CPNE4: variants seen among roughly 807,000 people sequenced by gnomAD.
CPNE4 encodes the protein copine-4.
CPNE4 carries 25 observed loss-of-function variants against 67.9 expected under a neutral mutation model. The observed-to-expected ratio is 0.37, with a 90% confidence interval of 0.27 to 0.51. The LOEUF (loss-of-function observed/expected upper bound fraction) is 0.51. Among genes scored for constraint, CPNE4 ranks in the 20% least tolerant of loss-of-function variants. The pLI is 0.93. For synonymous variants in CPNE4, 242 were observed against 244.9 expected, an observed-to-expected ratio of 0.99 and a Z score of 0.11; for missense variants, 464 against 690.8, an observed-to-expected ratio of 0.67 and a Z score of 3.68.
chr3:131,962,277 A>G (rs2107923657), intron 1 of CPNE4, among the ~76,000 whole-genome samples: 1 of 152,364 alleles, frequency 6.6e-6, no homozygotes, highest in South Asian at 2.1e-4. Flanking sequence ...TCAAGGGTAG[A>G]TGAAGAGATG....
Position 131,798,701 on chromosome 3 carries a change from T to C in CPNE4, c.181-75076A>G, listed in dbSNP as rs150520136. 2.0e-5 allele frequency among the ~76,000 whole-genome samples: 3 copies of C among 152,306 alleles called. No homozygotes were observed. The East Asian group carries it at 5.8e-4, about 29-fold the overall frequency. The stretch of plus-strand genomic sequence containing the variant: ...TTCAACCTTCCAACTTTTTCTCAAC[T>C]AGGCAAGTGTTTAGAAGCAAGCAAG... On this transcript the variant is annotated intron_variant, in intron 2 of 15. Coordinates refer to ENST00000429747, the MANE Select transcript of CPNE4 (RefSeq NM_130808.3).
intron 1 of CPNE4, chr3:132,017,751 C>T (rs1245959875): frequency 6.6e-6 from 1 of 152,212 alleles, no homozygotes; most frequent in East Asian, 1.9e-4. Flanking sequence ...CACTGGCTCT[C>T]CAACAGGAGT....
chr3:132,022,269 A>G (rs1371711939), intron 1 of CPNE4, among the ~76,000 whole-genome samples: 2 of 152,234 alleles, frequency 1.3e-5, no homozygotes, highest in Non-Finnish European at 2.9e-5. Context: ...TCTTAAAAGC[A>G]GCCCTAGCAA....
chr3:131,565,925 T>C (rs1172287832), intron 10 of CPNE4, among the ~76,000 whole-genome samples: 3 of 151,948 alleles, frequency 2.0e-5, no homozygotes, highest in Non-Finnish European at 2.9e-5. Flanking sequence ...ATAATCTCTG[T>C]GTCAGGCACT....
chr3:131,841,635 C>T (rs1490844711), intron 2 of CPNE4, among the ~76,000 whole-genome samples: 1 of 152,204 alleles, frequency 6.6e-6, no homozygotes, highest in African/African-American at 2.4e-5. Context: ...TCCTTCCCCA[C>T]CCCATGTCCA....
At chr3:131,793,577 A>G (rs1447577470) in intron 2 of CPNE4, among the ~76,000 whole-genome samples, 1 of 152,198 alleles carries the variant, frequency 6.6e-6, no homozygotes, top group Non-Finnish European at 1.5e-5. Flanking sequence ...TCTGATACAT[A>G]GTCACTATCT....
chr3:132,037,905 G>A, upstream of CPNE4: 1 of 297,068 alleles, frequency 3.4e-6, no homozygotes, highest in Non-Finnish European at 6.3e-6. Context: ...CAGGCAGAGA[G>A]TCAGTGCCCT....
intron 1 of CPNE4, among the ~76,000 whole-genome samples, chr3:131,972,260 C>A (rs971739167): frequency 6.6e-6 from 1 of 152,226 alleles, no homozygotes; most frequent in Non-Finnish European, 1.5e-5. Flanking sequence ...AAAGGTCTCA[C>A]TGGCAGCAAC....
chr3:131,905,483 A>G, intron 1 of CPNE4, 39 bp from the exon 2 acceptor site: 1 of 1,555,684 alleles, frequency 6.4e-7, no homozygotes, highest in South Asian at 1.2e-5. Flanking sequence ...AGAAGTGCCA[A>G]TCACTGCAAT....
intron 7 of CPNE4, among the ~76,000 whole-genome samples, chr3:131,629,255 AT>A (rs1560011379): frequency 6.6e-6 from 1 of 152,142 alleles, no homozygotes. Flanking sequence ...GGGAGATACA[AT>A]TCAAGTTTAG....
chr3:131,648,490 C>A (rs570627270), intron 7 of CPNE4, among the ~76,000 whole-genome samples: 2 of 152,278 alleles, frequency 1.3e-5, no homozygotes, highest in South Asian at 4.2e-4. Flanking sequence ...ATCCTAAGAA[C>A]CTAGCATGGT....
intron 2 of CPNE4, among the ~76,000 whole-genome samples, chr3:131,730,652 C>T (rs759282490): frequency 6.6e-6 from 1 of 152,120 alleles, no homozygotes; most frequent in African/African-American, 2.4e-5. Context: ...TTGACACAGA[C>T]ATGAACACAG....
At chr3:131,543,778 G>T (rs1016587376) in intron 14 of CPNE4, among the ~76,000 whole-genome samples, 3 of 152,210 alleles carry the variant, frequency 2.0e-5, no homozygotes, top group African/African-American at 7.2e-5. Context: ...TGCTATAAGA[G>T]GGTCAGGGTT....
At chr3:131,787,018 T>C (rs1343059189) in intron 2 of CPNE4, among the ~76,000 whole-genome samples, 1 of 152,170 alleles carries the variant, frequency 6.6e-6, no homozygotes, top group East Asian at 1.9e-4. Flanking sequence ...TATTATCGAC[T>C]TGAACTTCTG....
intron 2 of CPNE4, among the ~76,000 whole-genome samples, chr3:131,766,802 GCA>G (rs1401765378): frequency 3.3e-5 from 5 of 151,992 alleles, no homozygotes; most frequent in African/African-American, 4.8e-5. Context: ...GTTCTAAGAT[GCA>G]CAGTTTTCAC....
intron 2 of CPNE4, among the ~76,000 whole-genome samples, chr3:131,876,502 T>A (rs4854628): frequency 2.0e-5 from 3 of 151,294 alleles, no homozygotes; most frequent in African/African-American, 2.4e-5. Flanking sequence ...ATTAGCCAGA[T>A]GTGGTGGCGG....
rs150257663 is a variant in CPNE4, at chr3:131,895,317, C to G, written c.180+9947G>C. Reference sequence around the variant, plus strand: ...TGCACAGTAGAGTGAAAATGGTTAACAGTAAAATGCTGTTTTTTACAAAAT... The same window carrying G: ...TGCACAGTAGAGTGAAAATGGTTAAGAGTAAAATGCTGTTTTTTACAAAAT... On this transcript the variant is annotated intron_variant, in intron 2 of 15. Transcript: ENST00000429747. 4.7e-3 allele frequency among the ~76,000 whole-genome samples: 709 copies of G among 151,944 alleles called. 8 individuals are homozygous for G. Among genetic ancestry groups the G allele is most frequent in the African/African-American group, 0.015 (626 of 41,472 alleles).
At chr3:131,880,436 C>T (rs2087630749) in intron 2 of CPNE4, among the ~76,000 whole-genome samples, 1 of 152,166 alleles carries the variant, frequency 6.6e-6, no homozygotes, top group South Asian at 2.1e-4. Context: ...TATTTAACAA[C>T]TATTTATTGA....
intron 11 of CPNE4, among the ~76,000 whole-genome samples, chr3:131,563,853 A>G (rs560642508): frequency 9.9e-5 from 15 of 152,222 alleles, no homozygotes; most frequent in Non-Finnish European, 2.1e-4. Context: ...TCTAAAGTAT[A>G]CACAAATCAT....
Sources: allele counts gnomAD v4.1 joint callset (sites outside exome capture counted in the v4.1 genomes callset), GRCh38; gene constraint gnomAD v4.1.1; transcripts MANE v1.5; gene names NCBI Gene and HGNC (gene_info 2026-07-23, HGNC 2026-07-21).